Variants in EDC4 observed in about 807,000 individuals in gnomAD.
EDC4 encodes the protein enhancer of mRNA decapping 4, also known as enhancer of mRNA-decapping protein 4.
In EDC4, 64 loss-of-function variants were observed where a neutral mutation model predicts 155.8. The ratio of observed to expected loss-of-function variants is 0.41; its 90% CI spans 0.34 to 0.51. EDC4 has a LOEUF of 0.51. Ranked by LOEUF, EDC4 falls within the 20% of genes least tolerant of loss-of-function variation. The pLI is 0.19. For synonymous variants in EDC4, 684 were observed against 716.8 expected, an observed-to-expected ratio of 0.95 and a Z score of 0.73; for missense variants, 1,303 against 1,812.5, an observed-to-expected ratio of 0.72 and a Z score of 5.10.
Position 67,877,558 on chromosome 16 carries a change from C to A in EDC4, c.691C>A (p.His231Asn), listed in dbSNP as rs1302179177. ...IRQPEGTPLNHFRRIIWCPFI... is the reference protein window; with the variant it reads ...IRQPEGTPLNNFRRIIWCPFI... Reference sequence around the variant, plus strand: ...GCAGCCAGAGGGCACGCCACTGAACCACTTTCGCAGGATCATCTGGTGCCC... The same window carrying A: ...GCAGCCAGAGGGCACGCCACTGAACAACTTTCGCAGGATCATCTGGTGCCC... Residue 231 changes from histidine to asparagine, a missense_variant, in exon 6 of 29, where the codon CAC (histidine) becomes AAC (asparagine). Physicochemically the swap from His to Asn is moderately conservative, Grantham distance 68 (BLOSUM62 1). This residue lies in a region of EDC4 where 235 missense variants were observed against 367.7 expected (regional missense o/e 0.64). Transcript: ENST00000358933. The surrounding 1 kb of genome is among the most constrained non-coding windows in gnomAD (Gnocchi z 4.9). 6.2e-7 allele frequency: 1 copy of A among 1,614,198 alleles called. No homozygotes were observed. The highest frequency in any genetic ancestry group is 2.2e-5 in the East Asian group (1 of 44,874).
Position 67,878,998 on chromosome 16 carries a change from C to T in EDC4, c.1329C>T (p.Gly443=), listed in dbSNP as rs769256740. 4 of 1,612,010 alleles carry T rather than the reference C, an allele frequency of 2.5e-6. No individual in the cohort carries two copies. The highest frequency in any genetic ancestry group is 3.4e-6 in the Non-Finnish European group (4 of 1,179,678). Residue 443 remains glycine, a synonymous_variant, in exon 12 of 29, where the codon GGC becomes GGT. Coordinates refer to ENST00000358933, the MANE Select transcript of EDC4 (RefSeq NM_014329.5). This position sits in a 1 kb window ranked among gnomAD's most constrained non-coding sequence, Gnocchi z 5.2. ...VMELLQNQEE[G]HACFSSISEF... is the part of the protein sequence containing the mutation. ...AGCTGCTGCAAAACCAGGAGGAGGG[C>T]CACGCCTGCTTCAGCTCCATCTCGG...
rs577302689 is a variant in EDC4 at position 67,876,736 on chromosome 16, C to T, written c.351+137C>T. On this transcript the variant is annotated intron_variant, in intron 3 of 28. Coordinates refer to ENST00000358933, the MANE Select transcript of EDC4 (RefSeq NM_014329.5). This position sits in a 1 kb window ranked among gnomAD's most constrained non-coding sequence, Gnocchi z 5.8. Reference sequence around the variant, plus strand: ...CAGGAAGCCAGGGCTGGGTGCCAAGCCTCTGTGGGAGTCTGGCTCCAGGAG... The same window carrying T: ...CAGGAAGCCAGGGCTGGGTGCCAAGTCTCTGTGGGAGTCTGGCTCCAGGAG... 1 of 1,556,680 alleles carries T rather than the reference C, an allele frequency of 6.4e-7. No homozygotes were observed. The highest frequency in any genetic ancestry group is 1.2e-5 in the South Asian group (1 of 81,658).
chr16:67,880,925 T>C lies in EDC4; in HGVS notation c.2466T>C (p.Pro822=). 1 of 1,613,954 alleles carries C rather than the reference T, an allele frequency of 6.2e-7. No individual in the cohort carries two copies. ...EAALTQEAST[P]DSQVWPTAPD... ...CCTTGACCCAGGAGGCCTCGACTCC[T>C]GACAGTCAGGTTTGGCCCACAGCAC... Residue 822 remains proline (P), a synonymous_variant, in exon 18 of 29, where the codon CCT becomes CCC. Coordinates refer to ENST00000358933, the MANE Select transcript of EDC4 (RefSeq NM_014329.5). This position sits in a 1 kb window ranked among gnomAD's most constrained non-coding sequence, Gnocchi z 5.2.
Position 67,880,236 on chromosome 16 carries a change from T to C in EDC4, c.2097+20T>C. 1 of 1,581,708 alleles carries C rather than the reference T, an allele frequency of 6.3e-7. No individual in the cohort carries two copies. Among genetic ancestry groups the C allele is most frequent in the Non-Finnish European group, 8.6e-7 (1 of 1,165,590 alleles). On this transcript the variant is annotated intron_variant, in intron 17 of 28. Transcript: ENST00000358933. The surrounding 1 kb of genome is among the most constrained non-coding windows in gnomAD (Gnocchi z 5.2). ...GGCCAGGTGTGTGACTGGGTGTGTG[T>C]GTGAAGTGTGGGGAGCAGGTGGGCA...
chr16:67,883,403 C>T lies in EDC4; in HGVS notation c.3850-165C>T. 3 of 1,307,248 alleles carry T rather than the reference C, an allele frequency of 2.3e-6. No individual in the cohort carries two copies. Among genetic ancestry groups the T allele is most frequent in the Non-Finnish European group, 3.1e-6 (3 of 953,864 alleles). The allele number at this position is 1,307,248 out of a possible 1,614,324, so 81.0% of individuals were successfully genotyped here. On this transcript the variant is annotated intron_variant, in intron 27 of 28. Coordinates refer to ENST00000358933, the MANE Select transcript of EDC4 (RefSeq NM_014329.5). The surrounding 1 kb of genome is among the most constrained non-coding windows in gnomAD (Gnocchi z 5.3). Reference sequence around the variant, plus strand: ...ACTACCCTTCTCAGGAACCCATTTCCCAATCCCCTAGGGTAACTACACAGC... The same window carrying T: ...ACTACCCTTCTCAGGAACCCATTTCTCAATCCCCTAGGGTAACTACACAGC...
Position 67,884,408 on chromosome 16 carries a change from T to A in EDC4, c.*260T>A, listed in dbSNP as rs1417754992. ...CCCTGAGATCGTGACACCACTTGAG[T>A]GGAATTTTCCATGTTCCTTTTTACC... On this transcript the variant is annotated 3_prime_UTR_variant, in exon 29 of 29. Transcript: ENST00000358933. This position sits in a 1 kb window ranked among gnomAD's most constrained non-coding sequence, Gnocchi z 4.1. 3.7e-6 allele frequency: 2 copies of A among 542,498 alleles called. No homozygotes were observed. Among genetic ancestry groups the A allele is most frequent in the African/African-American group, 3.8e-5 (2 of 52,434 alleles). The allele number at this position is 542,498 out of a possible 1,614,324, so 33.6% of individuals were successfully genotyped here. A position where few individuals can be genotyped will look rare whatever the true frequency, so the allele number is the denominator to read the frequency against.
At chr16:67,873,389 G>GGCGGC in intron 1 of EDC4, 46 bp downstream of exon 1, 1 of 1,385,054 alleles carries the variant, frequency 7.2e-7, no homozygotes, top group Non-Finnish European at 9.4e-7. Context: ...CTGACAAAAG[G>GGCGGC]GCGGCGCGCG....
Position 67,877,454 on chromosome 16 carries a change from A to G in EDC4, c.641+48A>G. On this transcript the variant is annotated intron_variant, in intron 5 of 28. Transcript: ENST00000358933. The surrounding 1 kb of genome is among the most constrained non-coding windows in gnomAD (Gnocchi z 4.9). ...GGTGGGACTGAAGAAGGGTGGGCGG[A>G]GCTGGGGTGTCACGCCTCTTCATTC... is the stretch of plus-strand genomic sequence containing the variant. 1 of 1,611,138 alleles carries G rather than the reference A, an allele frequency of 6.2e-7. No individual in the cohort carries two copies. Among genetic ancestry groups the G allele is most frequent in the Non-Finnish European group, 8.5e-7 (1 of 1,177,946 alleles).
chr16:67,882,201 C>G lies in EDC4; in HGVS notation c.3161-11C>G, dbSNP rs2058071169. ...CTCATGGCTCCACCTCACCCTCTTC[C>G]CCTCTCCCAGGTGTCTCAAGGAGTC... On this transcript the variant is annotated splice_polypyrimidine_tract_variant and intron_variant, in intron 23 of 28. Transcript: ENST00000358933. The surrounding 1 kb of genome is among the most constrained non-coding windows in gnomAD (Gnocchi z 7.2). The G allele has an allele frequency of 1.2e-6, 2 of 1,613,480 alleles. No homozygotes were observed. Among genetic ancestry groups the G allele is most frequent in the Non-Finnish European group, 1.7e-6 (2 of 1,179,782 alleles).
Position 67,883,562 on chromosome 16 carries a change from C to G in EDC4, c.3850-6C>G. ...CTATAAACACTGCTGCTTTTTTCTC[C>G]TCCAGGCGCTGACAGCTGCTGACCT... On this transcript the variant is annotated splice_region_variant and splice_polypyrimidine_tract_variant and intron_variant, in intron 27 of 28. Transcript: ENST00000358933. This position sits in a 1 kb window ranked among gnomAD's most constrained non-coding sequence, Gnocchi z 5.3. 6.2e-7 allele frequency: 1 copy of G among 1,612,890 alleles called. No individual in the cohort carries two copies. Among genetic ancestry groups the G allele is most frequent in the East Asian group, 2.2e-5 (1 of 44,876 alleles).
In EDC4 at chr16:67,880,459, C is replaced by T. The variant is rs2058062090; in HGVS notation, c.2098-98C>T. 6.7e-7 allele frequency: 1 copy of T among 1,486,462 alleles called. No individual in the cohort carries two copies. The highest frequency in any genetic ancestry group is 9.1e-7 in the Non-Finnish European group (1 of 1,093,732). The allele number at this position is 1,486,462 out of a possible 1,614,324, so 92.1% of individuals were successfully genotyped here. On this transcript the variant is annotated intron_variant, in intron 17 of 28. Coordinates refer to ENST00000358933, the MANE Select transcript of EDC4 (RefSeq NM_014329.5). This position sits in a 1 kb window ranked among gnomAD's most constrained non-coding sequence, Gnocchi z 5.2. The stretch of plus-strand genomic sequence containing the variant: ...CCTGTATCCCCACTTCCCTGCTGCC[C>T]TGTCTCTCATTACTGCTAATACTAA...
Position 67,876,428 on chromosome 16 carries a change from A to G in EDC4, c.240-60A>G, listed in dbSNP as rs989905747. 10 of 1,594,940 alleles carry G rather than the reference A, an allele frequency of 6.3e-6. No individual in the cohort carries two copies. The highest frequency in any genetic ancestry group is 2.7e-5 in the African/African-American group (2 of 74,570). On this transcript the variant is annotated intron_variant, in intron 2 of 28. Transcript: ENST00000358933. This position sits in a 1 kb window ranked among gnomAD's most constrained non-coding sequence, Gnocchi z 5.8. The stretch of plus-strand genomic sequence containing the variant: ...CTGGCTATGTCCTCGCTTCCTCCCA[A>G]CCCTGCCCGCTGAGCCTTTGGGTGA...
In EDC4 at chr16:67,880,893, G is replaced by C; in HGVS notation, c.2434G>C (p.Glu812Gln). The change falls in exon 18 of 29, where the codon GAG becomes CAG. Residue 812 changes from glutamate to glutamine, a missense_variant. Around this residue, in one of 5 missense-constraint regions of EDC4, gnomAD observed 391 missense variants for 445.4 expected, o/e 0.88. Coordinates refer to ENST00000358933, the MANE Select transcript of EDC4 (RefSeq NM_014329.5). The surrounding 1 kb of genome is among the most constrained non-coding windows in gnomAD (Gnocchi z 5.2). ...TCGGCATAATACCCCCTCCCTCCTG[G>C]AGGCAGCCTTGACCCAGGAGGCCTC... ...GDRHNTPSLLEAALTQEASTP... is the reference protein window; with the variant it reads ...GDRHNTPSLLQAALTQEASTP... 6.2e-7 allele frequency: 1 copy of C among 1,613,980 alleles called. No homozygotes were observed. The highest frequency in any genetic ancestry group is 8.5e-7 in the Non-Finnish European group (1 of 1,180,010).
chr16:67,877,855 T>C lies in EDC4; in HGVS notation c.894+10T>C, dbSNP rs770202315. 178 of 1,613,656 alleles carry C rather than the reference T, an allele frequency of 1.1e-4. No individual in the cohort carries two copies. Among genetic ancestry groups the C allele is most frequent in the Non-Finnish European group, 1.5e-4 (175 of 1,179,992 alleles). On this transcript the variant is annotated intron_variant, in intron 7 of 28. Coordinates refer to ENST00000358933, the MANE Select transcript of EDC4 (RefSeq NM_014329.5). This position sits in a 1 kb window ranked among gnomAD's most constrained non-coding sequence, Gnocchi z 4.9. ...AAAAGGTCATAGCACGGTAAGCCTG[T>C]GACTGCCTGCCTCCCCTGCCCTCCC... is the stretch of plus-strand genomic sequence containing the variant.
In EDC4 at chr16:67,879,897, C is replaced by T. The variant is rs1265952006; in HGVS notation, c.1869C>T (p.Ser623=). The part of the protein sequence containing the change: ...SSSSSGSSSS[S]SSSSSSLTAV... Reference sequence around the variant, plus strand: ...GCAGCAGCGGTAGCAGCAGCAGCAGCAGCAGTAGCAGCAGCTCCCTTACAG... The same window carrying T: ...GCAGCAGCGGTAGCAGCAGCAGCAGTAGCAGTAGCAGCAGCTCCCTTACAG... The change falls in exon 16 of 29, where the codon AGC becomes AGT. Residue 623 remains serine, a synonymous_variant. Coordinates refer to ENST00000358933, the MANE Select transcript of EDC4 (RefSeq NM_014329.5). This position sits in a 1 kb window ranked among gnomAD's most constrained non-coding sequence, Gnocchi z 6.0. 6.2e-7 allele frequency: 1 copy of T among 1,612,052 alleles called. No homozygotes were observed. The highest frequency in any genetic ancestry group is 8.5e-7 in the Non-Finnish European group (1 of 1,178,808).
At chr16:67,875,582 CTGTGTTTGTGTGTTCTGGTCACACTA>C in intron 1 of EDC4, 1 of 253,416 alleles carries the variant, frequency 3.9e-6, no homozygotes, top group Non-Finnish European at 6.2e-6. Flanking sequence ...TCCATCCTTC[CTGTGTTTGTGTGTTCTGGTCACACTA>C]ACTGCTGTAT....
Position 67,879,823 on chromosome 16 carries a change from C to G in EDC4, c.1822-27C>G. On this transcript the variant is annotated intron_variant, in intron 15 of 28. Coordinates refer to ENST00000358933, the MANE Select transcript of EDC4 (RefSeq NM_014329.5). This position sits in a 1 kb window ranked among gnomAD's most constrained non-coding sequence, Gnocchi z 6.0. Reference sequence around the variant, plus strand: ...CTGGGAATGCCTCAGCCACAGGCCACAGGTCTTATTTCCTGCATCTCCCCA... The same window carrying G: ...CTGGGAATGCCTCAGCCACAGGCCAGAGGTCTTATTTCCTGCATCTCCCCA... 6.2e-7 allele frequency: 1 copy of G among 1,613,508 alleles called. No homozygotes were observed.
rs528239158 is a variant in EDC4, at chr16:67,883,712, C to G, written c.3994C>G (p.Arg1332Gly). 1 of 1,614,108 alleles carries G rather than the reference C, an allele frequency of 6.2e-7. No individual in the cohort carries two copies. The highest frequency in any genetic ancestry group is 1.3e-5 in the African/African-American group (1 of 75,036). Residue 1332 changes from arginine (R) to glycine (G), a missense_variant, in exon 28 of 29, where the codon CGA becomes GGA. Transcript: ENST00000358933. The surrounding 1 kb of genome is among the most constrained non-coding windows in gnomAD (Gnocchi z 5.3). ...GCAGCTGGCATCTGACCTTGGCACT[C>G]GAACTGACCTCAAGCTCAGGTAAGT... ...IQQLASDLGT[R>G]TDLKLSYLEE...
chr16:67,876,369 C>T lies in EDC4; in HGVS notation c.240-119C>T, dbSNP rs1484025939. On this transcript the variant is annotated intron_variant, in intron 2 of 28. Coordinates refer to ENST00000358933, the MANE Select transcript of EDC4 (RefSeq NM_014329.5). This position sits in a 1 kb window ranked among gnomAD's most constrained non-coding sequence, Gnocchi z 5.8. ...GTGGGTCTGGGGCCAGTGGACCAGG[C>T]GAAGCTGACATTGGACTAGATACCT... The T allele has an allele frequency of 6.9e-6, 10 of 1,459,122 alleles. No homozygotes were observed. The highest frequency in any genetic ancestry group is 1.4e-5 in the African/African-American group (1 of 70,842). 90.4% of individuals were successfully genotyped at this position (1,459,122 alleles called of 1,614,324 possible).
Sources: allele counts gnomAD v4.1 joint callset, GRCh38; gene constraint gnomAD v4.1.1; regional missense constraint gnomAD v4.1.1; non-coding constraint Gnocchi (gnomAD v3.1); transcripts MANE v1.5; gene names NCBI Gene and HGNC (gene_info 2026-07-23, HGNC 2026-07-21).